Variants in POLD2 observed in about 807,000 individuals in gnomAD.
POLD2 encodes the protein DNA polymerase delta subunit 2.
A neutral mutation model predicts 48.8 loss-of-function variants in POLD2; 31 were observed. The ratio of observed to expected loss-of-function variants is 0.64; its 90% CI spans 0.48 to 0.86. The LOEUF (loss-of-function observed/expected upper bound fraction) is 0.86, where lower values mean the gene tolerates loss of function less well. Ranked by LOEUF, POLD2 falls within the 40% of genes least tolerant of loss-of-function variation. POLD2 has a pLI of 0.00. For synonymous variants in POLD2, 233 were observed against 256.3 expected (o/e 0.91, Z 0.87); for missense variants, 455 against 610.1 (o/e 0.75, Z 2.68).
intron 10 of POLD2, 104 bp from the exon 11 acceptor site, chr7:44,115,049 C>T: frequency 9.6e-7 from 1 of 1,038,976 alleles, no homozygotes; most frequent in Non-Finnish European, 1.4e-6. Context: ...CACAGTGGGG[C>T]AGTGACAATA....
chr7:44,117,890 T>C, intron 3 of POLD2, 53 bp downstream of exon 3: 1 of 1,605,138 alleles, frequency 6.2e-7, no homozygotes, highest in Non-Finnish European at 8.5e-7. Flanking sequence ...GGAGGTGTTC[T>C]AGTGGGAGGC....
rs760962507 is a variant in POLD2 at position 44,116,865 on chromosome 7, A to G, written c.732T>C (p.Ala244=). The change falls in exon 6 of 11, where the codon GCT becomes GCC. Residue 244 remains alanine (A), a synonymous_variant. Coordinates refer to ENST00000610533, the MANE Select transcript of POLD2 (RefSeq NM_006230.4). The surrounding 1 kb of genome is among the most constrained non-coding windows in gnomAD (Gnocchi z 6.1). ...GGGTGCTGTGGCTGAGGAGGTTGCC[A>G]GCGAGGATAACCCGGGAGACGTGGG... The part of the protein sequence containing the change: ...SAAHVSRVIL[A]GNLLSHSTQS... The G allele has an allele frequency of 6.2e-7, 1 of 1,613,986 alleles. No homozygotes were observed. The highest frequency in any genetic ancestry group is 1.1e-5 in the South Asian group (1 of 91,076).
chr7:44,121,852 G>C lies in POLD2; in HGVS notation c.202C>G (p.Arg68Gly), dbSNP rs772234118. The C allele has an allele frequency of 3.1e-6, 5 of 1,612,916 alleles. No individual in the cohort carries two copies. The Admixed American group carries it at 5.0e-5, about 16-fold the overall frequency. The change falls in exon 2 of 11, where the codon CGG (arginine) becomes GGG (glycine). Residue 68 changes from arginine (R) to glycine (G), a missense_variant. Coordinates refer to ENST00000610533, the MANE Select transcript of POLD2 (RefSeq NM_006230.4). This position sits in a 1 kb window ranked among gnomAD's most constrained non-coding sequence, Gnocchi z 4.5. ...LIQMRPFLENRAQQHWGSGVG... is the reference protein window; with the variant it reads ...LIQMRPFLENGAQQHWGSGVG... The stretch of plus-strand genomic sequence containing the variant: ...CACTTACCCCAGTGCTGCTGGGCCC[G>C]GTTCTCCAGGAAGGGTCTCATTTGG...
At chr7:44,120,445 G>A (rs1040450659) in intron 2 of POLD2, among the ~76,000 whole-genome samples, 2 of 152,234 alleles carry the variant, frequency 1.3e-5, no homozygotes, top group Non-Finnish European at 2.9e-5. Flanking sequence ...TACCGGAGCC[G>A]CAGGAGGGAG....
At position 44,122,180 on chromosome 7, in the gene POLD2, C is replaced by T. The variant is rs952418462; in HGVS notation, c.-56-71G>A. On this transcript the variant is annotated intron_variant, in intron 1 of 10. Transcript: ENST00000610533. ...AAGCAGCAGCTCTCCTGGTGTCTCA[C>T]TGCACCCAAAGGATACTGGGAAAAG... The T allele has an allele frequency of 3.1e-5, 46 of 1,464,800 alleles. 1 individual carries two copies. In the South Asian group the frequency reaches 5.0e-4, roughly 16 times the overall value. 90.7% of individuals were successfully genotyped at this position (1,464,800 alleles called of 1,614,324 possible).
At position 44,114,696 on chromosome 7, in the gene POLD2, C is replaced by A; in HGVS notation, c.*89G>T. On this transcript the variant is annotated 3_prime_UTR_variant, in exon 11 of 11. Transcript: ENST00000610533. ...GCCCAGGGCTCAAGGCTCGCATCAGCAAGTGCTCAGGCTTTATTTACAATG... is the reference window on the plus strand; with the variant it reads ...GCCCAGGGCTCAAGGCTCGCATCAGAAAGTGCTCAGGCTTTATTTACAATG... 1 of 1,380,098 alleles carries A rather than the reference C, an allele frequency of 7.2e-7. No individual in the cohort carries two copies. The highest frequency in any genetic ancestry group is 9.9e-7 in the Non-Finnish European group (1 of 1,006,618). The allele number at this position is 1,380,098 out of a possible 1,614,324, so 85.5% of individuals were successfully genotyped here.
rs560248758 is a variant in POLD2 at position 44,121,691 on chromosome 7, G to C, written c.220+143C>G. 4 of 811,096 alleles carry C rather than the reference G, an allele frequency of 4.9e-6. No homozygotes were observed. The East Asian group carries it at 1.1e-4, about 22-fold the overall frequency. 50.2% of individuals were successfully genotyped at this position (811,096 alleles called of 1,614,324 possible). ...AATTTAATCCTTGTTACTATCTTAA[G>C]AAGAAACTGAGGGAAAAAGAGGTTA... On this transcript the variant is annotated intron_variant, in intron 2 of 10. Coordinates refer to ENST00000610533, the MANE Select transcript of POLD2 (RefSeq NM_006230.4). This position sits in a 1 kb window ranked among gnomAD's most constrained non-coding sequence, Gnocchi z 4.5.
upstream of POLD2, chr7:44,123,720 T>G: frequency 1.5e-6 from 2 of 1,344,946 alleles, no homozygotes; most frequent in Non-Finnish European, 9.5e-7. Context: ...ACCCTCGGTT[T>G]CCTGGGCAAC....
intron 10 of POLD2, 117 bp downstream of exon 10, chr7:44,115,178 G>T: frequency 2.4e-6 from 2 of 820,640 alleles, no homozygotes; most frequent in Non-Finnish European, 4.2e-6. Context: ...GACCTCAGCT[G>T]TCCATCCCAC....
chr7:44,123,441 C>T (rs1652570445), intron 1 of POLD2, 70 bp downstream of exon 1: 2 of 1,491,642 alleles, frequency 1.3e-6, no homozygotes, highest in Admixed American at 2.2e-5. Context: ...AGCCCACCGA[C>T]CCAGGAGCCC....
At chr7:44,115,080 G>T in intron 10 of POLD2, 135 bp from the exon 11 acceptor site, 2 of 893,578 alleles carry the variant, frequency 2.2e-6, no homozygotes, top group Non-Finnish European at 3.4e-6. Flanking sequence ...GATTAGCCTT[G>T]AGAGGCACAC....
intron 9 of POLD2, 50 bp downstream of exon 9, chr7:44,115,716 G>A (rs1348122186): frequency 6.3e-7 from 1 of 1,599,620 alleles, no homozygotes; most frequent in Non-Finnish European, 8.5e-7. Flanking sequence ...TCAGGGTCCT[G>A]CCAGGCCTCC....
At position 44,117,020 on chromosome 7, in the gene POLD2, G is replaced by A. The variant is rs372078615; in HGVS notation, c.582-5C>T. 1.2e-5 allele frequency: 19 copies of A among 1,612,654 alleles called. No individual in the cohort carries two copies. The highest frequency in any genetic ancestry group is 1.4e-5 in the Non-Finnish European group (17 of 1,179,508). ...CCGGACACCAGTAGCACAAACCTGCGGGAGAAGGTGGGGTCCTCCAGGGTG... is the reference window on the plus strand; with the variant it reads ...CCGGACACCAGTAGCACAAACCTGCAGGAGAAGGTGGGGTCCTCCAGGGTG... On this transcript the variant is annotated splice_region_variant and splice_polypyrimidine_tract_variant and intron_variant, in intron 5 of 10. Coordinates refer to ENST00000610533, the MANE Select transcript of POLD2 (RefSeq NM_006230.4).
chr7:44,115,427 T>A, intron 9 of POLD2, 31 bp from the exon 10 acceptor site: 6 of 1,361,674 alleles, frequency 4.4e-6, no homozygotes, highest in South Asian at 1.2e-5. Flanking sequence ...CTGAGGAGGG[T>A]TCCGCCTCAG....
upstream of POLD2, chr7:44,123,549 G>T (rs752979461): frequency 7.4e-6 from 11 of 1,484,572 alleles, no homozygotes; most frequent in South Asian, 1.3e-5. Flanking sequence ...CCGCGCGCCT[G>T]CCCCGCCCAT....
chr7:44,114,977 G>A (rs1283562227), intron 10 of POLD2, 32 bp from the exon 11 acceptor site: 14 of 1,571,420 alleles, frequency 8.9e-6, no homozygotes, highest in Non-Finnish European at 1.2e-5. Context: ...CCCACTGTAG[G>A]TTCCAAGTAA....
chr7:44,122,100 A>AG lies in POLD2; in HGVS notation c.-48dup, dbSNP rs770158224. 1.3e-6 allele frequency: 2 copies of AG among 1,596,676 alleles called. No individual in the cohort carries two copies. The highest frequency in any genetic ancestry group is 2.2e-5 in the South Asian group (2 of 89,902). The stretch of plus-strand genomic sequence containing the variant: ...GGTCCACACAGCTTCGCCCAGGCCA[A>AG]GGAGGTTCACTGCGAAAACACAAAG... On this transcript the variant is annotated 5_prime_UTR_variant, in exon 2 of 11. Coordinates refer to ENST00000610533, the MANE Select transcript of POLD2 (RefSeq NM_006230.4).
intron 9 of POLD2, 179 bp from the exon 10 acceptor site, chr7:44,115,575 T>G (rs1583560478): frequency 1.3e-6 from 1 of 741,308 alleles, no homozygotes; most frequent in Non-Finnish European, 2.2e-6. Flanking sequence ...CCCGTTGGGG[T>G]GGGCAGCCAT....
At position 44,117,979 on chromosome 7, in the gene POLD2, CG is replaced by C; in HGVS notation, c.305del (p.Pro102ArgfsTer43). 6.2e-7 allele frequency: 1 copy of C among 1,614,202 alleles called. No homozygotes were observed. The highest frequency in any genetic ancestry group is 8.5e-7 in the Non-Finnish European group (1 of 1,180,036). On this transcript the variant is annotated frameshift_variant, in exon 3 of 11. Transcript: ENST00000610533. LOFTEE classifies it high-confidence loss of function. ...CVVGTLFKAM[P>X]LQPSILREVS... The stretch of plus-strand genomic sequence containing the variant: ...CCTCCCGCAGGATGGAGGGCTGCAG[CG>C]GCATGGCCTTGAACAGAGTGCCCAC...
Sources: allele counts gnomAD v4.1 joint callset (sites outside exome capture counted in the v4.1 genomes callset), GRCh38; gene constraint gnomAD v4.1.1; non-coding constraint Gnocchi (gnomAD v3.1); transcripts MANE v1.5; gene names NCBI Gene and HGNC (gene_info 2026-07-23, HGNC 2026-07-21).